Variants in PCDH9 observed in about 807,000 individuals in gnomAD.
PCDH9 encodes the protein protocadherin 9.
Under a neutral mutation model 70.6 loss-of-function variants are expected in PCDH9, and 24 were observed. That is an observed-to-expected ratio of 0.34 (90% CI 0.25 to 0.48). PCDH9 has a LOEUF of 0.48. Ranked by LOEUF, PCDH9 falls within the 20% of genes least tolerant of loss-of-function variation. The probability of loss-of-function intolerance (pLI) is 0.99; values close to 1 mark genes in which losing one functional copy is unlikely to be tolerated. For synonymous variants in PCDH9, 562 were observed against 558.5 expected (o/e 1.01, Z -0.09); for missense variants, 1,281 against 1,503.6 (o/e 0.85, Z 2.45).
At chr13:67,174,313 A>G (rs1182392467) in intron 2 of PCDH9, among the ~76,000 whole-genome samples, 1 of 149,906 alleles carries the variant, frequency 6.7e-6, no homozygotes, top group Non-Finnish European at 1.5e-5. Flanking sequence ...ATAGATAGAT[A>G]GATACATACA....
chr13:67,113,693 G>A (rs542288360), intron 2 of PCDH9, among the ~76,000 whole-genome samples: 43 of 152,054 alleles, frequency 2.8e-4, no homozygotes, highest in African/African-American at 9.9e-4. Flanking sequence ...GACTACAGGC[G>A]CCCGCCATCA....
At chr13:66,361,876 G>A (rs1956477338) in intron 4 of PCDH9, among the ~76,000 whole-genome samples, 1 of 152,094 alleles carries the variant, frequency 6.6e-6, no homozygotes, top group Admixed American at 6.6e-5. Flanking sequence ...TCCTTACTTA[G>A]CTGGTGAATG....
At chr13:66,808,590 G>GT (rs766469687) in intron 3 of PCDH9, among the ~76,000 whole-genome samples, 232 of 152,244 alleles carry the variant, frequency 1.5e-3, no homozygotes, top group Admixed American at 2.7e-3. Flanking sequence ...TAGTTGCCTG[G>GT]TAAGTCCTTC....
chr13:66,983,399 T>C (rs2083817225), intron 2 of PCDH9, among the ~76,000 whole-genome samples: 1 of 151,974 alleles, frequency 6.6e-6, no homozygotes, highest in Non-Finnish European at 1.5e-5. Flanking sequence ...TAGAGTTGGG[T>C]CACTAAGAAA....
At chr13:66,635,016 T>G (rs944585813) in intron 3 of PCDH9, among the ~76,000 whole-genome samples, 3 of 152,132 alleles carry the variant, frequency 2.0e-5, no homozygotes, top group Admixed American at 2.0e-4. Context: ...TAATGGTATA[T>G]TCAGAGGAAA....
chr13:66,345,934 C>A (rs1593835763), intron 4 of PCDH9, among the ~76,000 whole-genome samples: 1 of 152,134 alleles, frequency 6.6e-6, no homozygotes, highest in East Asian at 1.9e-4. Flanking sequence ...GTGTACACCA[C>A]ACAATAAGCG....
At chr13:67,050,178 T>A (rs2085295443) in intron 2 of PCDH9, among the ~76,000 whole-genome samples, 2 of 152,208 alleles carry the variant, frequency 1.3e-5, no homozygotes, top group East Asian at 1.9e-4. Flanking sequence ...AGATCTTCCA[T>A]CCTAAATTTG....
intron 3 of PCDH9, among the ~76,000 whole-genome samples, chr13:66,767,929 G>C (rs2079744744): frequency 6.6e-6 from 1 of 152,058 alleles, no homozygotes; most frequent in Non-Finnish European, 1.5e-5. Context: ...ACTTCGTCTA[G>C]TACAGTGGGC....
intron 4 of PCDH9, among the ~76,000 whole-genome samples, chr13:66,578,986 A>G (rs1481045338): frequency 6.6e-6 from 1 of 152,052 alleles, no homozygotes; most frequent in Non-Finnish European, 1.5e-5. Context: ...ACCCTATTGG[A>G]GACACACAAT....
In PCDH9 at chr13:66,846,299, G is replaced by A. The variant is rs150507401; in HGVS notation, c.3138+57205C>T. Reference sequence around the variant, plus strand: ...CAATAGCAAAACCAAATTTTGTTTTGTCTAAATATGCAAGGAAATCTCAAA... The same window carrying A: ...CAATAGCAAAACCAAATTTTGTTTTATCTAAATATGCAAGGAAATCTCAAA... On this transcript the variant is annotated intron_variant, in intron 3 of 4. Transcript: ENST00000377865. Among the ~76,000 whole-genome samples the A allele has an allele frequency of 3.8e-4, 58 of 152,176 alleles. No homozygotes were observed. In the East Asian group the frequency reaches 0.011, roughly 28 times the overall value.
chr13:66,859,248 C>G (rs1332525472), intron 3 of PCDH9: 1 of 152,122 alleles, frequency 6.6e-6, no homozygotes, highest in Admixed American at 6.6e-5. Flanking sequence ...TTGCGGGACA[C>G]TCGAGACTCT....
chr13:66,346,245 G>A (rs531102012), intron 4 of PCDH9, among the ~76,000 whole-genome samples: 1 of 151,938 alleles, frequency 6.6e-6, no homozygotes, highest in Non-Finnish European at 1.5e-5. Context: ...TTGATTGCTC[G>A]CAAACACTCC....
At chr13:66,483,671 G>A (rs1174253263) in intron 4 of PCDH9, among the ~76,000 whole-genome samples, 1 of 152,206 alleles carries the variant, frequency 6.6e-6, no homozygotes, top group African/African-American at 2.4e-5. Flanking sequence ...GAAGGGAAGA[G>A]CATGGTCCCT....
intron 2 of PCDH9, among the ~76,000 whole-genome samples, chr13:67,164,792 T>C (rs1177445944): frequency 2.0e-5 from 3 of 152,076 alleles, no homozygotes; most frequent in African/African-American, 7.2e-5. Flanking sequence ...TTATGGTTTA[T>C]TTATTAGCTC....
At chr13:66,826,142 C>T (rs754673034) in intron 3 of PCDH9, among the ~76,000 whole-genome samples, 1 of 152,090 alleles carries the variant, frequency 6.6e-6, no homozygotes, top group Non-Finnish European at 1.5e-5. Flanking sequence ...ATATTAAGGA[C>T]TATATTGTAT....
At chr13:66,692,465 C>T (rs2078501709) in intron 3 of PCDH9, among the ~76,000 whole-genome samples, 1 of 151,964 alleles carries the variant, frequency 6.6e-6, no homozygotes, top group Non-Finnish European at 1.5e-5. Flanking sequence ...TTAAAGTTCA[C>T]ATGGTAGGAA....
intron 4 of PCDH9, among the ~76,000 whole-genome samples, chr13:66,390,493 T>C (rs763779057): frequency 4.6e-5 from 7 of 152,222 alleles, no homozygotes; most frequent in South Asian, 2.1e-4. Flanking sequence ...CTCAGCACTT[T>C]AGGAGGCCGA....
chr13:66,313,361 C>T (rs1955596689), intron 4 of PCDH9, among the ~76,000 whole-genome samples: 1 of 152,176 alleles, frequency 6.6e-6, no homozygotes, highest in South Asian at 2.1e-4. Flanking sequence ...CTGAATTACT[C>T]TCCATTTCTT....
intron 3 of PCDH9, among the ~76,000 whole-genome samples, chr13:66,717,459 A>C (rs1231802152): frequency 3.4e-5 from 1 of 29,776 alleles, no homozygotes; most frequent in East Asian, 1.1e-3. Context: ...CTCAAAAAAA[A>C]AAAAAAAAAA....
Sources: allele counts gnomAD v4.1 joint callset (sites outside exome capture counted in the v4.1 genomes callset), GRCh38; gene constraint gnomAD v4.1.1; transcripts MANE v1.5; gene names NCBI Gene and HGNC (gene_info 2026-07-23, HGNC 2026-07-21).